Variants in LMBRD1 observed in about 807,000 individuals in gnomAD.
LMBRD1 encodes LMBR1 domain containing 1.
Under a neutral mutation model 74.8 loss-of-function variants are expected in LMBRD1, and 64 were observed. The ratio of observed to expected loss-of-function variants is 0.86; its 90% confidence interval spans 0.70 to 1.05. LMBRD1 has a LOEUF of 1.05. LMBRD1 is among the 50% of genes least tolerant of loss of function. The pLI is 0.00. For synonymous variants in LMBRD1, 204 were observed against 216.3 expected, an observed-to-expected ratio of 0.94 and a Z score of 0.50; for missense variants, 652 against 645.9, an observed-to-expected ratio of 1.01 and a Z score of -0.10.
chr6:69,790,453 C>T lies in LMBRD1; in HGVS notation c.89G>A (p.Trp30Ter). The change falls in exon 2 of 16, where the codon TGG (tryptophan) becomes TAG (stop). Residue 30 changes from tryptophan (W) to a stop codon, truncating the protein, a stop_gained. Coordinates refer to ENST00000649934, the MANE Select transcript of LMBRD1 (RefSeq NM_018368.4). LOFTEE classifies it high-confidence loss of function. ...ACTTTGGTATTTACGAACATATATC[C>T]AGCAGAATGCCAAAATAGCCTGAAA... ...LLLLAILAFC[W>*]IYVRKYQSRR... is the part of the protein sequence containing the mutation. 1.2e-6 allele frequency: 2 copies of T among 1,613,926 alleles called. No homozygotes were observed. Among genetic ancestry groups the T allele is most frequent in the South Asian group, 1.1e-5 (1 of 91,070 alleles).
intron 9 of LMBRD1, among the ~76,000 whole-genome samples, chr6:69,711,783 C>G (rs1319567861): frequency 2.0e-5 from 3 of 152,112 alleles, no homozygotes; most frequent in Non-Finnish European, 4.4e-5. Context: ...AAGCAGCACC[C>G]AAATTGAACC....
chr6:69,726,155 A>G (rs1014824751), intron 7 of LMBRD1, among the ~76,000 whole-genome samples: 16 of 152,234 alleles, frequency 1.1e-4, no homozygotes, highest in Admixed American at 1.0e-3. Flanking sequence ...ATCATCGGAG[A>G]AATGCAAATC....
intron 9 of LMBRD1, among the ~76,000 whole-genome samples, chr6:69,704,895 G>A (rs538131047): frequency 7.6e-6 from 1 of 132,382 alleles, no homozygotes; most frequent in African/African-American, 2.9e-5. Context: ...GCTTTTTTGG[G>A]ATTGGACATT....
In LMBRD1 at chr6:69,752,295, A is replaced by G. The variant is rs765151842; in HGVS notation, c.369T>C (p.Tyr123=). 3 of 1,610,644 alleles carry G rather than the reference A, an allele frequency of 1.9e-6. No individual in the cohort carries two copies. Among genetic ancestry groups the G allele is most frequent in the South Asian group, 2.2e-5 (2 of 91,012 alleles). The part of the protein sequence containing the change: ...FFWIPFVYFY[Y]EEKDDDDTSK... ...TAGTATCATCATCATCCTTTTCTTC[A>G]TAATAGAAGTAGACAAAAGGGATCC... Residue 123 remains tyrosine (Y), a synonymous_variant, in exon 4 of 16, where the codon TAT becomes TAC. Transcript: ENST00000649934.
chr6:69,774,990 G>GGAGGGAGGGAGGGAGC (rs1765664243), intron 3 of LMBRD1, among the ~76,000 whole-genome samples: 1 of 42,392 alleles, frequency 2.4e-5, no homozygotes, highest in Non-Finnish European at 5.2e-5. Flanking sequence ...AGGAAGGAAG[G>GGAGGGAGGGAGGGAGC]GAGGGAGGGA....
At chr6:69,687,846 C>G (rs75534017) in intron 14 of LMBRD1, among the ~76,000 whole-genome samples, 5 of 151,982 alleles carry the variant, frequency 3.3e-5, no homozygotes, top group Non-Finnish European at 7.4e-5. Flanking sequence ...ACAAAAGGAC[C>G]ACGTAGTTTT....
At chr6:69,683,372 T>G (rs1336448737) in intron 14 of LMBRD1, among the ~76,000 whole-genome samples, 2 of 152,068 alleles carry the variant, frequency 1.3e-5, no homozygotes, top group Non-Finnish European at 2.9e-5. Context: ...TCACTAACCT[T>G]GATCATCTAG....
intron 4 of LMBRD1, among the ~76,000 whole-genome samples, chr6:69,751,152 TC>T (rs1337128960): frequency 2.0e-5 from 3 of 152,286 alleles, no homozygotes; most frequent in Admixed American, 2.0e-4. Flanking sequence ...TTTTCAGTCA[TC>T]CATGCAATTG....
intron 3 of LMBRD1, among the ~76,000 whole-genome samples, chr6:69,768,038 T>C (rs1323179975): frequency 6.6e-6 from 1 of 151,982 alleles, no homozygotes; most frequent in Non-Finnish European, 1.5e-5. Flanking sequence ...CATCTTTTAC[T>C]AACCTTTTCT....
In LMBRD1 at chr6:69,719,105, T is replaced by G. The variant is rs532480668; in HGVS notation, c.637-24A>C. On this transcript the variant is annotated intron_variant, in intron 7 of 15. Coordinates refer to ENST00000649934, the MANE Select transcript of LMBRD1 (RefSeq NM_018368.4). The stretch of plus-strand genomic sequence containing the variant: ...GCCTAAAAGAAAAACAATTGAAATG[T>G]TTTAGAAATAATGTTTCAAACATAT... 682 of 1,606,050 alleles carry G rather than the reference T, an allele frequency of 4.2e-4. 4 individuals are homozygous for G. In the South Asian group the frequency reaches 6.3e-3, roughly 15 times the overall value.
At chr6:69,793,715 AATCTTTTTTTTTT>A in intron 1 of LMBRD1, among the ~76,000 whole-genome samples, 1 of 130,736 alleles carries the variant, frequency 7.6e-6, no homozygotes, top group East Asian at 2.3e-4. Flanking sequence ...TCATGTCCTG[AATCTTTTTTTTTT>A]TTTTTTTTTT....
intron 9 of LMBRD1, among the ~76,000 whole-genome samples, chr6:69,711,316 G>A (rs542072022): frequency 1.8e-4 from 28 of 152,206 alleles, no homozygotes; most frequent in African/African-American, 6.5e-4. Flanking sequence ...CCTAAAGTCT[G>A]AGCTCAGGGG....
At chr6:69,686,210 CAA>C (rs1765760551) in intron 14 of LMBRD1, among the ~76,000 whole-genome samples, 1 of 152,112 alleles carries the variant, frequency 6.6e-6, no homozygotes, top group South Asian at 2.1e-4. Context: ...CAAAATAAGG[CAA>C]AGTTCTTTAT....
intron 9 of LMBRD1, among the ~76,000 whole-genome samples, chr6:69,703,247 C>T (rs1027478558): frequency 6.6e-6 from 1 of 151,850 alleles, no homozygotes; most frequent in East Asian, 1.9e-4. Context: ...CTACTGGATT[C>T]AGGCATCTAT....
At chr6:69,731,267 G>T (rs971799940) in intron 7 of LMBRD1, among the ~76,000 whole-genome samples, 1 of 152,036 alleles carries the variant, frequency 6.6e-6, no homozygotes, top group African/African-American at 2.4e-5. Context: ...GGTGACTACA[G>T]TCAACAATAA....
rs1261607196 is a variant in LMBRD1 at position 69,700,831 on chromosome 6, A to T, written c.1122T>A (p.Ile374=). The change falls in exon 12 of 16, where the codon ATT becomes ATA. Residue 374 remains isoleucine, a synonymous_variant. Coordinates refer to ENST00000649934, the MANE Select transcript of LMBRD1 (RefSeq NM_018368.4). The part of the protein sequence containing the change: ...PLDYILITII[I]MYFIFTSMAG... ...CCATTGAAGTAAAAATAAAGTACAT[A>T]ATAATAATTGTTATAAGAATATAAT... is the stretch of plus-strand genomic sequence containing the variant. The T allele has an allele frequency of 6.8e-7, 1 of 1,474,774 alleles. No individual in the cohort carries two copies. Among genetic ancestry groups the T allele is most frequent in the Admixed American group, 2.0e-5 (1 of 50,204 alleles). The allele number at this position is 1,474,774 out of a possible 1,614,324, so 91.4% of individuals were successfully genotyped here.
intron 7 of LMBRD1, among the ~76,000 whole-genome samples, chr6:69,727,645 T>C (rs577502134): frequency 6.6e-6 from 1 of 152,210 alleles, no homozygotes; most frequent in Non-Finnish European, 1.5e-5. Flanking sequence ...TTCACCACAA[T>C]GCAATATATG....
At chr6:69,777,373 A>C (rs1713988541) in intron 3 of LMBRD1, among the ~76,000 whole-genome samples, 1 of 151,128 alleles carries the variant, frequency 6.6e-6, no homozygotes, top group Non-Finnish European at 1.5e-5. Context: ...GAACTGCTTG[A>C]ACCCAGGAGG....
chr6:69,771,938 G>T (rs1765585612), intron 3 of LMBRD1, among the ~76,000 whole-genome samples: 1 of 151,940 alleles, frequency 6.6e-6, no homozygotes, highest in African/African-American at 2.4e-5. Flanking sequence ...AAGCACAAGG[G>T]AATTTTCTGC....
Sources: gnomAD v4.1 joint callset for allele counts (sites outside exome capture counted in the v4.1 genomes callset) on GRCh38, gnomAD v4.1.1 for gene constraint, MANE v1.5 for transcripts, NCBI Gene and HGNC (gene_info 2026-07-23, HGNC 2026-07-21) for gene names.